Variants in KIAA1328 observed in about 807,000 individuals in gnomAD.
The protein encoded by KIAA1328 is KIAA1328, also known as protein hinderin.
Under a neutral mutation model 68.1 loss-of-function variants are expected in KIAA1328, and 52 were observed. That is an observed-to-expected ratio of 0.76 (90% confidence interval 0.61 to 0.96). The LOEUF is 0.96. Ranked by LOEUF, KIAA1328 falls within the 40% of genes least tolerant of loss-of-function variation. The pLI is 0.00. For synonymous variants in KIAA1328, 232 were observed against 239.4 expected, an observed-to-expected ratio of 0.97 and a Z score of 0.28; for missense variants, 641 against 677.6, an observed-to-expected ratio of 0.95 and a Z score of 0.60.
intron 7 of KIAA1328, among the ~76,000 whole-genome samples, chr18:37,072,816 GT>G (rs1469030893): frequency 2.0e-5 from 3 of 152,032 alleles, no homozygotes; most frequent in Non-Finnish European, 4.4e-5. Context: ...TCCCCTCCCT[GT>G]GTCCGTGTGT....
At chr18:36,897,723 A>G (rs1177956558) in intron 5 of KIAA1328, among the ~76,000 whole-genome samples, 1 of 152,090 alleles carries the variant, frequency 6.6e-6, no homozygotes, top group East Asian at 1.9e-4. Context: ...GGACTAGTTC[A>G]GCAGTATAGA....
chr18:37,000,431 C>G (rs1304438300), intron 6 of KIAA1328, among the ~76,000 whole-genome samples: 1 of 152,046 alleles, frequency 6.6e-6, no homozygotes, highest in African/African-American at 2.4e-5. Flanking sequence ...ACACCCCACT[C>G]TCAGCATTAG....
At chr18:36,830,531 A>G (rs2046439311) in intron 1 of KIAA1328, among the ~76,000 whole-genome samples, 1 of 152,268 alleles carries the variant, frequency 6.6e-6, no homozygotes, top group South Asian at 2.1e-4. Flanking sequence ...CTTGAAGGTT[A>G]TTAGCTTATA....
At position 36,892,563 on chromosome 18, in the gene KIAA1328, A is replaced by G. The variant is rs555240610; in HGVS notation, c.448+6891A>G. Among the ~76,000 whole-genome samples the G allele has an allele frequency of 1.1e-4, 16 of 152,296 alleles. No individual in the cohort carries two copies. In the South Asian group the frequency reaches 2.9e-3, roughly 28 times the overall value. On this transcript the variant is annotated intron_variant, in intron 5 of 9. Coordinates refer to ENST00000280020, the MANE Select transcript of KIAA1328 (RefSeq NM_020776.3). Reference sequence around the variant, plus strand: ...ATATATTATGTACTTGGATAGGGCCACTTCGTTCCATTTAACAAGCCCTAG... The same window carrying G: ...ATATATTATGTACTTGGATAGGGCCGCTTCGTTCCATTTAACAAGCCCTAG...
At chr18:36,896,426 AACC>A (rs2048868217) in intron 5 of KIAA1328, among the ~76,000 whole-genome samples, 1 of 152,128 alleles carries the variant, frequency 6.6e-6, no homozygotes, top group African/African-American at 2.4e-5. Context: ...CCAGACGTGG[AACC>A]TTAACATCCT....
chr18:36,914,115 A>C (rs530013409), intron 5 of KIAA1328, among the ~76,000 whole-genome samples: 13 of 152,204 alleles, frequency 8.5e-5, no homozygotes, highest in Non-Finnish European at 1.3e-4. Context: ...ACAAATTCTT[A>C]GGGCGATTTG....
intron 5 of KIAA1328, among the ~76,000 whole-genome samples, chr18:36,921,481 G>A (rs1297189829): frequency 6.6e-6 from 1 of 152,092 alleles, no homozygotes; most frequent in African/African-American, 2.4e-5. Flanking sequence ...TCGGCTCACT[G>A]TAAGCTCCAC....
At chr18:36,865,863 T>A (rs932559902) in intron 4 of KIAA1328, among the ~76,000 whole-genome samples, 1 of 152,162 alleles carries the variant, frequency 6.6e-6, no homozygotes, top group African/African-American at 2.4e-5. Flanking sequence ...GGTCATGTCC[T>A]CCTTACCCTT....
chr18:37,138,945 G>C (rs1207400524), intron 7 of KIAA1328, among the ~76,000 whole-genome samples: 1 of 81,642 alleles, frequency 1.2e-5, no homozygotes, highest in African/African-American at 5.3e-5. Context: ...ATGAAATTTT[G>C]TTCTTTTTTT....
At chr18:36,883,952 G>GTATATGTGTATATATATATATATATA (rs540895118) in intron 4 of KIAA1328, among the ~76,000 whole-genome samples, 5,045 of 120,084 alleles carry the variant, frequency 0.042, 215 homozygotes, top group Middle Eastern at 0.069. Context: ...TATTTATAAA[G>GTATATGTGTATATATATATATATATA]TATATATATA....
chr18:36,864,111 C>T (rs1360302398), intron 4 of KIAA1328, among the ~76,000 whole-genome samples: 1 of 152,124 alleles, frequency 6.6e-6, no homozygotes, highest in Non-Finnish European at 1.5e-5. Flanking sequence ...AGGCATTCAG[C>T]CTATCACCAT....
intron 5 of KIAA1328, among the ~76,000 whole-genome samples, chr18:36,906,152 T>C (rs2049213007): frequency 6.6e-6 from 1 of 152,188 alleles, no homozygotes; most frequent in South Asian, 2.1e-4. Context: ...ATTTGTAATA[T>C]AGCTAGTAGT....
chr18:37,146,759 C>T (rs924685042), intron 7 of KIAA1328, among the ~76,000 whole-genome samples: 3 of 152,220 alleles, frequency 2.0e-5, no homozygotes, highest in Non-Finnish European at 4.4e-5. Flanking sequence ...AGTGTTAACG[C>T]TGTGCAACTT....
chr18:36,892,178 A>G (rs1047406046), intron 5 of KIAA1328, among the ~76,000 whole-genome samples: 2 of 152,182 alleles, frequency 1.3e-5, no homozygotes, highest in African/African-American at 4.8e-5. Flanking sequence ...GCTGTATCAT[A>G]GATCTCGGTG....
In KIAA1328 at chr18:37,092,058, T is replaced by C. The variant is rs1464965295; in HGVS notation, c.1232+24513T>C. Among the ~76,000 whole-genome samples the C allele has an allele frequency of 2.6e-5, 4 of 152,234 alleles. No individual in the cohort carries two copies. In the East Asian group the frequency reaches 7.8e-4, roughly 30 times the overall value. On this transcript the variant is annotated intron_variant, in intron 7 of 9. Coordinates refer to ENST00000280020, the MANE Select transcript of KIAA1328 (RefSeq NM_020776.3). ...ACCCACTACCAGCAGTGCCCAGGCATGCCATCCGGTAGCCTGGGGGCTGAC... is the reference window on the plus strand; with the variant it reads ...ACCCACTACCAGCAGTGCCCAGGCACGCCATCCGGTAGCCTGGGGGCTGAC...
At chr18:37,130,797 C>T (rs926379997) in intron 7 of KIAA1328, among the ~76,000 whole-genome samples, 20 of 152,022 alleles carry the variant, frequency 1.3e-4, no homozygotes, top group Admixed American at 1.0e-3. Flanking sequence ...TTTCATAATA[C>T]AATTAGAAGA....
At chr18:37,217,991 T>C (rs1432788343) in intron 9 of KIAA1328, among the ~76,000 whole-genome samples, 4 of 152,200 alleles carry the variant, frequency 2.6e-5, no homozygotes, top group Non-Finnish European at 5.9e-5. Context: ...GCCAAAGAGA[T>C]GGCTAATGCT....
At chr18:37,160,049 T>C (rs7241247) in intron 7 of KIAA1328, 151 bp from the exon 8 acceptor site, 51 of 590,290 alleles carry the variant, frequency 8.6e-5, no homozygotes, top group African/African-American at 6.2e-4. Flanking sequence ...AAAATAGACG[T>C]TGAGTAAATT....
chr18:36,837,464 C>A (rs567766406), intron 3 of KIAA1328, among the ~76,000 whole-genome samples: 4 of 152,122 alleles, frequency 2.6e-5, no homozygotes, highest in Non-Finnish European at 5.9e-5. Flanking sequence ...GTTATGAGTT[C>A]TTTCTAAATT....
Sources: allele counts gnomAD v4.1 joint callset (sites outside exome capture counted in the v4.1 genomes callset), GRCh38; gene constraint gnomAD v4.1.1; transcripts MANE v1.5; gene names NCBI Gene and HGNC (gene_info 2026-07-23, HGNC 2026-07-21).